Variants in MRPL48 observed in about 807,000 individuals in gnomAD.
The protein encoded by MRPL48 is mitochondrial ribosomal protein L48.
In MRPL48, 16 loss-of-function variants were observed where a neutral mutation model predicts 32.9. The ratio of observed to expected loss-of-function variants is 0.49; its 90% CI spans 0.33 to 0.74. MRPL48 has a LOEUF of 0.74. Among genes scored for constraint, MRPL48 ranks in the 30% least tolerant of loss-of-function variants. The pLI is 0.02. For missense variants in MRPL48, 206 were observed against 245.3 expected, an observed-to-expected ratio of 0.84 and a Z score of 1.07; for synonymous variants, 94 against 89.2, an observed-to-expected ratio of 1.05 and a Z score of -0.31.
At chr11:73,820,326 G>C (rs1265507651) in intron 3 of MRPL48, among the ~76,000 whole-genome samples, 1 of 152,180 alleles carries the variant, frequency 6.6e-6, no homozygotes, top group Non-Finnish European at 1.5e-5. Flanking sequence ...CCGGGTTCAA[G>C]TGATTCTCCT....
chr11:73,844,404 C>T (rs1357693299), intron 4 of MRPL48, among the ~76,000 whole-genome samples: 1 of 152,118 alleles, frequency 6.6e-6, no homozygotes, highest in Non-Finnish European at 1.5e-5. Context: ...GCCACTCCAG[C>T]CTGGGTGACA....
chr11:73,797,843 G>A (rs368576790), intron 1 of MRPL48, among the ~76,000 whole-genome samples: 2 of 152,110 alleles, frequency 1.3e-5, no homozygotes, highest in Non-Finnish European at 2.9e-5. Flanking sequence ...AGACTTTTCC[G>A]GCCAGAAAAA....
At chr11:73,860,554 C>T (rs943270151) in intron 6 of MRPL48, 1 of 152,238 alleles carries the variant, frequency 6.6e-6, no homozygotes, top group African/African-American at 2.4e-5. Context: ...CTTGAAACCC[C>T]TCAGTGGCTG....
intron 5 of MRPL48, among the ~76,000 whole-genome samples, chr11:73,859,035 G>A (rs1204803271): frequency 6.6e-6 from 1 of 152,204 alleles, no homozygotes; most frequent in Non-Finnish European, 1.5e-5. Flanking sequence ...AGGTAGTTTT[G>A]ACTGTGACCA....
intron 5 of MRPL48, chr11:73,850,453 T>C (rs1948368495): frequency 3.2e-6 from 1 of 313,718 alleles, no homozygotes; most frequent in Non-Finnish European, 6.1e-6. Flanking sequence ...AAAAAAAATC[T>C]CTCTTTCTTT....
At chr11:73,821,967 T>C (rs1947792822) in intron 3 of MRPL48, among the ~76,000 whole-genome samples, 1 of 152,044 alleles carries the variant, frequency 6.6e-6, no homozygotes, top group Non-Finnish European at 1.5e-5. Context: ...TTATTTTGAG[T>C]CATAATAAAA....
intron 1 of MRPL48, among the ~76,000 whole-genome samples, chr11:73,795,116 G>T (rs148652962): frequency 6.6e-6 from 1 of 151,114 alleles, no homozygotes; most frequent in Non-Finnish European, 1.5e-5. Flanking sequence ...GGGTCTCACC[G>T]TGTTGCCCAG....
At chr11:73,798,899 G>C (rs1947307448) in intron 1 of MRPL48, among the ~76,000 whole-genome samples, 1 of 151,576 alleles carries the variant, frequency 6.6e-6, no homozygotes, top group African/African-American at 2.4e-5. Flanking sequence ...GCTGAGGCCG[G>C]AGAATCGCTT....
intron 1 of MRPL48, among the ~76,000 whole-genome samples, chr11:73,790,848 ACCCCT>A (rs1372985571): frequency 4.0e-5 from 5 of 126,190 alleles, no homozygotes; most frequent in Admixed American, 8.0e-5. Flanking sequence ...TATTAGTTGT[ACCCCT>A]CCTAAGATCC....
At chr11:73,852,875 A>T (rs1948424079) in intron 5 of MRPL48, among the ~76,000 whole-genome samples, 1 of 152,260 alleles carries the variant, frequency 6.6e-6, no homozygotes, top group South Asian at 2.1e-4. Flanking sequence ...GAATGGATAA[A>T]GAAAATGTAC....
At chr11:73,829,551 A>G (rs34932908) in intron 4 of MRPL48, among the ~76,000 whole-genome samples, 8,366 of 151,976 alleles carry the variant, frequency 0.055, 255 homozygotes, top group Middle Eastern at 0.11. Flanking sequence ...AGAAATGTTT[A>G]TAGAGATGGG....
intron 1 of MRPL48, among the ~76,000 whole-genome samples, chr11:73,799,600 A>G (rs11235909): frequency 0.083 from 12,616 of 152,138 alleles, 649 homozygotes; most frequent in East Asian, 0.18. Context: ...CTTCACAGGC[A>G]TGGAACATAG....
intron 3 of MRPL48, among the ~76,000 whole-genome samples, chr11:73,815,179 T>C (rs1947641692): frequency 6.6e-6 from 1 of 151,510 alleles, no homozygotes. Flanking sequence ...ACTTTGGAAG[T>C]TCAAGATAGG....
intron 2 of MRPL48, among the ~76,000 whole-genome samples, chr11:73,805,431 G>A (rs1947432085): frequency 6.6e-6 from 1 of 151,168 alleles, no homozygotes; most frequent in African/African-American, 2.4e-5. Context: ...CAAGTAGCTG[G>A]CATTACATGC....
intron 5 of MRPL48, among the ~76,000 whole-genome samples, chr11:73,853,362 A>G (rs1948432916): frequency 6.6e-6 from 1 of 152,118 alleles, no homozygotes; most frequent in Non-Finnish European, 1.5e-5. Context: ...CCCTATAAAT[A>G]TATATACCTG....
chr11:73,852,259 A>G (rs1369149270), intron 5 of MRPL48, among the ~76,000 whole-genome samples: 2 of 152,122 alleles, frequency 1.3e-5, no homozygotes, highest in African/African-American at 4.8e-5. Context: ...CAGCTTGTCT[A>G]TGGACTACAC....
At chr11:73,815,401 C>T (rs1474720601) in intron 3 of MRPL48, among the ~76,000 whole-genome samples, 1 of 150,974 alleles carries the variant, frequency 6.6e-6, no homozygotes, top group Non-Finnish European at 1.5e-5. Context: ...GCAACGAGAG[C>T]GAAACTCCAT....
rs781762828 is a variant in MRPL48 at position 73,787,930 on chromosome 11, G to C, written c.-42G>C. On this transcript the variant is annotated 5_prime_UTR_variant, in exon 1 of 8. Transcript: ENST00000310614. Reference sequence around the variant, plus strand: ...CCCTGGGAACGCGGCTGCAGGGTCCGGTCTTCGGTTTGCACAGCTAGAGGC... The same window carrying C: ...CCCTGGGAACGCGGCTGCAGGGTCCCGTCTTCGGTTTGCACAGCTAGAGGC... 15 of 1,607,208 alleles carry C rather than the reference G, an allele frequency of 9.3e-6. No homozygotes were observed. Among genetic ancestry groups the C allele is most frequent in the Non-Finnish European group, 1.3e-5 (15 of 1,176,034 alleles).
intron 5 of MRPL48, among the ~76,000 whole-genome samples, chr11:73,848,605 A>G (rs2041365503): frequency 6.6e-6 from 1 of 151,498 alleles, no homozygotes; most frequent in African/African-American, 2.4e-5. Flanking sequence ...CTCCATTTAC[A>G]GTATTTAGAT....
Sources: allele counts gnomAD v4.1 joint callset (sites outside exome capture counted in the v4.1 genomes callset), GRCh38; gene constraint gnomAD v4.1.1; transcripts MANE v1.5; gene names NCBI Gene and HGNC (gene_info 2026-07-23, HGNC 2026-07-21).